Variants in TCEA2 observed in about 807,000 individuals in gnomAD.
The protein encoded by TCEA2 is transcription elongation factor A protein 2.
TCEA2 carries 21 observed loss-of-function variants against 40.8 expected under a neutral mutation model. The observed-to-expected ratio is 0.51, with a 90% CI of 0.36 to 0.74. The LOEUF (loss-of-function observed/expected upper bound fraction) is 0.74, where lower values mean the gene tolerates loss of function less well. TCEA2 is among the 30% of genes least tolerant of loss of function. TCEA2 has a pLI of 0.00. For synonymous variants in TCEA2, 165 were observed against 162.7 expected (o/e 1.01, Z -0.11); for missense variants, 326 against 426.5 (o/e 0.76, Z 2.08).
At chr20:64,062,242 A>G (rs1437128833), upstream of TCEA2, among the ~76,000 whole-genome samples, 3 of 152,182 alleles carry the variant, frequency 2.0e-5, no homozygotes, top group Admixed American at 6.5e-5. Flanking sequence ...GAAACCACCC[A>G]GCATCTGCAT....
At chr20:64,058,873 A>G (rs1052991813), upstream of TCEA2, among the ~76,000 whole-genome samples, 1 of 151,954 alleles carries the variant, frequency 6.6e-6, no homozygotes, top group African/African-American at 2.4e-5. This position sits in a 1 kb window ranked among gnomAD's most constrained non-coding sequence, Gnocchi z 6.7. Context: ...AACGAACGAC[A>G]CCTTTCTGCT....
upstream of TCEA2, among the ~76,000 whole-genome samples, chr20:64,061,573 T>A (rs2059565934): frequency 6.8e-6 from 1 of 148,010 alleles, no homozygotes; most frequent in South Asian, 2.2e-4. Context: ...CCATGCCCGG[T>A]CTAATTTTTG....
At chr20:64,065,611 G>C (rs908808519) in intron 1 of TCEA2, 2 of 152,212 alleles carry the variant, frequency 1.3e-5, no homozygotes, top group Admixed American at 1.3e-4. Flanking sequence ...CCTCGGTGGC[G>C]GCTCAGCGCC....
intron 4 of TCEA2, among the ~76,000 whole-genome samples, chr20:64,068,677 G>T (rs2059753121): frequency 6.6e-6 from 1 of 152,254 alleles, no homozygotes; most frequent in Non-Finnish European, 1.5e-5. Context: ...GACCACACTG[G>T]GTTGTGGTGA....
At chr20:64,057,515 ACCCTGCGGCGAGGC>A (rs2059488522) in exon 1 of TCEA2, 2 of 152,230 alleles carry the variant, frequency 1.3e-5, no homozygotes, top group Non-Finnish European at 2.9e-5. Flanking sequence ...CTGGAGCAGC[ACCCTGCGGCGAGGC>A]CCCACAGGAG....
At chr20:64,059,193 C>CA (rs60812317), upstream of TCEA2, among the ~76,000 whole-genome samples, 904 of 91,094 alleles carry the variant, frequency 9.9e-3, 16 homozygotes, top group South Asian at 0.075. Context: ...AACTCTGTCT[C>CA]AAAAAAAAAA....
At chr20:64,055,748 G>A (rs946522777), upstream of TCEA2, among the ~76,000 whole-genome samples, 3 of 152,116 alleles carry the variant, frequency 2.0e-5, no homozygotes, top group African/African-American at 7.2e-5. This position sits in a 1 kb window ranked among gnomAD's most constrained non-coding sequence, Gnocchi z 4.0. Context: ...GGGCAGGAGG[G>A]ACGGGCAGTC....
Position 64,072,167 on chromosome 20 carries a change from C to G in TCEA2, c.892-5C>G, listed in dbSNP as rs1054457891. 1 of 1,613,570 alleles carries G rather than the reference C, an allele frequency of 6.2e-7. No individual in the cohort carries two copies. The highest frequency in any genetic ancestry group is 1.3e-5 in the African/African-American group (1 of 74,932). The stretch of plus-strand genomic sequence containing the variant: ...AGGCTGGAGGCCTCACCCCCTTTCT[C>G]GCAGTTCTGCTGACCCCTCGTGTAG... On this transcript the variant is annotated splice_polypyrimidine_tract_variant and splice_region_variant and intron_variant, in intron 9 of 9. Coordinates refer to ENST00000343484, the MANE Select transcript of TCEA2 (RefSeq NM_003195.6).
chr20:64,059,911 T>C (rs182253966), upstream of TCEA2, among the ~76,000 whole-genome samples: 127 of 152,246 alleles, frequency 8.3e-4, no homozygotes, highest in African/African-American at 2.9e-3. Context: ...CGCTTGTCCA[T>C]CCCAGGGAGA....
chr20:64,069,634 C>G, intron 5 of TCEA2, 131 bp from the exon 6 acceptor site: 1 of 1,530,458 alleles, frequency 6.5e-7, no homozygotes, highest in Non-Finnish European at 8.8e-7. Context: ...GGGCTAGGGG[C>G]CTGTGCCTGG....
At chr20:64,069,103 G>T (rs1213591126) in intron 4 of TCEA2, among the ~76,000 whole-genome samples, 1 of 152,244 alleles carries the variant, frequency 6.6e-6, no homozygotes, top group African/African-American at 2.4e-5. Context: ...CTGGGATCCT[G>T]TTCCCACCTG....
chr20:64,061,630 G>T (rs192182291), upstream of TCEA2, among the ~76,000 whole-genome samples: 2 of 151,222 alleles, frequency 1.3e-5, no homozygotes, highest in African/African-American at 2.4e-5. Flanking sequence ...AGGCTGGTCT[G>T]GAACTCCTGA....
Position 64,063,933 on chromosome 20 carries a change from A to G in TCEA2, c.72+549A>G, listed in dbSNP as rs2059627771. 3 of 153,462 alleles carry G rather than the reference A, an allele frequency of 2.0e-5. No individual in the cohort carries two copies. The South Asian group carries it at 5.8e-4, about 30-fold the overall frequency. 9.5% of individuals were successfully genotyped at this position (153,462 alleles called of 1,614,324 possible). On this transcript the variant is annotated intron_variant, in intron 1 of 9. Coordinates refer to ENST00000343484, the MANE Select transcript of TCEA2 (RefSeq NM_003195.6). ...TCTCCCATAGCATTTGTCGCCGGCA[A>G]CAGTTTGGAGTCTGAGGTTGGATCC...
upstream of TCEA2, chr20:64,063,042 A>G: frequency 8.4e-6 from 2 of 239,446 alleles, no homozygotes. Context: ...GGTCAGGACT[A>G]CACTTCCCAG....
chr20:64,070,702 A>G, intron 8 of TCEA2, 67 bp downstream of exon 8: 2 of 1,459,512 alleles, frequency 1.4e-6, no homozygotes, highest in South Asian at 1.4e-5. Context: ...CCCTCCTTGG[A>G]GCCCATGCCT....
rs773820158 is a variant in TCEA2 at position 64,063,351 on chromosome 20, G to A, written c.39G>A (p.Arg13=). ...AAGAGGAGATTGCGCGGATCGCCCG[G>A]AGGCTGGACAAGATGGTGACCAAGA... ...GKEEEIARIA[R]RLDKMVTKKS... is the part of the protein sequence containing the mutation. Residue 13 remains arginine (R), a synonymous_variant, in exon 1 of 10, where the codon CGG becomes CGA. Transcript: ENST00000343484. The A allele has an allele frequency of 6.5e-7, 1 of 1,549,950 alleles. No individual in the cohort carries two copies. Among genetic ancestry groups the A allele is most frequent in the South Asian group, 1.2e-5 (1 of 84,172 alleles).
Position 64,068,060 on chromosome 20 carries a change from CA to C in TCEA2, c.258del (p.Ala87ProfsTer60). 6.2e-7 allele frequency: 1 copy of C among 1,605,914 alleles called. No individual in the cohort carries two copies. Among genetic ancestry groups the C allele is most frequent in the Non-Finnish European group, 8.5e-7 (1 of 1,176,632 alleles). On this transcript the variant is annotated frameshift_variant, in exon 4 of 10. Coordinates refer to ENST00000343484, the MANE Select transcript of TCEA2 (RefSeq NM_003195.6). LOFTEE classifies it high-confidence loss of function. Reference sequence around the variant, plus strand: ...TCTTTCCTGCAGATGCTTCCGATGCCAAAGCCAGGGAGCGGGGGAGGGGCAT... The same window carrying C: ...TCTTTCCTGCAGATGCTTCCGATGCCAAGCCAGGGAGCGGGGGAGGGGCAT... The part of the protein sequence containing the change: ...WKKLLDASDA[K>X]ARERGRGMPL...
intron 1 of TCEA2, 93 bp from the exon 2 acceptor site, chr20:64,066,383 C>A: frequency 6.8e-7 from 1 of 1,471,664 alleles, no homozygotes; most frequent in Non-Finnish European, 9.4e-7. Flanking sequence ...TCCAAATTGT[C>A]ACTGCCTTGT....
At chr20:64,061,993 C>T (rs1273477961), upstream of TCEA2, among the ~76,000 whole-genome samples, 5 of 151,908 alleles carry the variant, frequency 3.3e-5, no homozygotes, top group East Asian at 1.9e-4. Context: ...CCTCCCAAAG[C>T]GCTGGGATTA....
Sources: gnomAD v4.1 joint callset for allele counts (sites outside exome capture counted in the v4.1 genomes callset) on GRCh38, gnomAD v4.1.1 for gene constraint, Gnocchi (gnomAD v3.1) non-coding constraint, MANE v1.5 for transcripts, NCBI Gene and HGNC (gene_info 2026-07-23, HGNC 2026-07-21) for gene names.